CCSER1: variants seen among roughly 807,000 people sequenced by gnomAD.
CCSER1 encodes the protein serine-rich coiled-coil domain-containing protein 1.
A neutral mutation model predicts 82.0 loss-of-function variants in CCSER1; 41 were observed. The observed-to-expected ratio is 0.50, with a 90% confidence interval of 0.39 to 0.65. CCSER1 has a LOEUF of 0.65. Ranked by LOEUF, CCSER1 falls within the 30% of genes least tolerant of loss-of-function variation. The pLI is 0.00. For synonymous variants in CCSER1, 414 were observed against 383.9 expected (o/e 1.08, Z -0.92); for missense variants, 1,119 against 1,064.2 (o/e 1.05, Z -0.72).
intron 1 of CCSER1, among the ~76,000 whole-genome samples, chr4:90,207,318 C>G (rs1297309948): frequency 6.6e-6 from 1 of 152,094 alleles, no homozygotes; most frequent in African/African-American, 2.4e-5. Context: ...TCATGAAATT[C>G]TCATGCTGTG....
At chr4:91,039,101 T>C (rs887630430) in intron 9 of CCSER1, among the ~76,000 whole-genome samples, 3 of 152,172 alleles carry the variant, frequency 2.0e-5, no homozygotes, top group African/African-American at 7.2e-5. Flanking sequence ...CAATCATAGC[T>C]CACTGCAGCC....
intron 10 of CCSER1, among the ~76,000 whole-genome samples, chr4:91,194,132 G>A (rs1356803908): frequency 6.6e-6 from 1 of 152,062 alleles, no homozygotes; most frequent in Non-Finnish European, 1.5e-5. Flanking sequence ...ACCACACCGA[G>A]CTAATTTTTG....
intron 1 of CCSER1, among the ~76,000 whole-genome samples, chr4:90,261,596 A>G (rs1724344331): frequency 6.6e-6 from 1 of 152,180 alleles, no homozygotes; most frequent in African/African-American, 2.4e-5. Flanking sequence ...TCTTTTTGCA[A>G]TGAATTTCCC....
intron 10 of CCSER1, among the ~76,000 whole-genome samples, chr4:91,295,505 C>T (rs1321103274): frequency 1.3e-5 from 2 of 151,346 alleles, no homozygotes; most frequent in Non-Finnish European, 3.0e-5. Context: ...TCTGAAGAAA[C>T]GTTAATATTT....
chr4:90,210,326 A>G (rs528636934), intron 1 of CCSER1, among the ~76,000 whole-genome samples: 3 of 152,212 alleles, frequency 2.0e-5, no homozygotes, highest in African/African-American at 4.8e-5. Context: ...CTATACATAT[A>G]TATGTTTTGT....
intron 10 of CCSER1, among the ~76,000 whole-genome samples, chr4:91,222,784 G>A (rs1391438063): frequency 6.6e-6 from 1 of 152,022 alleles, no homozygotes; most frequent in East Asian, 1.9e-4. Flanking sequence ...AGTGACTATT[G>A]GGCACTGGAA....
intron 10 of CCSER1, among the ~76,000 whole-genome samples, chr4:91,341,343 A>G (rs1747705281): frequency 6.6e-6 from 1 of 152,168 alleles, no homozygotes; most frequent in South Asian, 2.1e-4. Context: ...AAGCAGTGTA[A>G]TAGGGTGATA....
chr4:90,322,025 G>A (rs796556391), intron 3 of CCSER1, among the ~76,000 whole-genome samples: 13 of 152,192 alleles, frequency 8.5e-5, no homozygotes, highest in African/African-American at 2.6e-4. Context: ...GGTTGCCTGT[G>A]TTTTTGAGGT....
At chr4:90,767,707 C>G (rs752932806) in intron 7 of CCSER1, among the ~76,000 whole-genome samples, 2 of 152,106 alleles carry the variant, frequency 1.3e-5, no homozygotes, top group African/African-American at 2.4e-5. Flanking sequence ...CTCGTTCTCG[C>G]TCTGTCACCC....
intron 10 of CCSER1, among the ~76,000 whole-genome samples, chr4:91,467,706 C>T (rs1322331860): frequency 2.6e-5 from 4 of 152,188 alleles, no homozygotes; most frequent in African/African-American, 4.8e-5. Context: ...TGAACAGACA[C>T]TTCTCAAAAG....
chr4:91,384,150 T>C (rs919560906), intron 10 of CCSER1, among the ~76,000 whole-genome samples: 2 of 152,108 alleles, frequency 1.3e-5, no homozygotes, highest in African/African-American at 4.8e-5. Context: ...TCTTCTTTTG[T>C]GGAGTAGGAT....
intron 7 of CCSER1, among the ~76,000 whole-genome samples, chr4:90,744,258 G>A (rs533153985): frequency 5.9e-5 from 9 of 152,146 alleles, no homozygotes; most frequent in African/African-American, 2.2e-4. Context: ...ATACGTATTC[G>A]GTTATGTGTT....
intron 10 of CCSER1, among the ~76,000 whole-genome samples, chr4:91,411,499 TATATATATATATATATATATATATATAA>T (rs1753029276): frequency 3.3e-5 from 2 of 61,290 alleles, no homozygotes; most frequent in African/African-American, 1.1e-4. Context: ...TACATATATA[TATATATATATATATATATATATATATAA>T]AATCTTGACT....
At chr4:90,851,080 A>G (rs542953530) in intron 8 of CCSER1, among the ~76,000 whole-genome samples, 6 of 152,100 alleles carry the variant, frequency 3.9e-5, no homozygotes, top group African/African-American at 1.4e-4. Flanking sequence ...TCTTTCTTCT[A>G]CTGCCCTGTG....
intron 10 of CCSER1, among the ~76,000 whole-genome samples, chr4:91,563,872 AAGTT>A (rs1762768105): frequency 6.6e-6 from 1 of 151,814 alleles, no homozygotes; most frequent in Non-Finnish European, 1.5e-5. Context: ...TAAGCATACA[AAGTT>A]AGTTCTGTTT....
At chr4:90,184,345 A>G (rs187647682) in intron 1 of CCSER1, among the ~76,000 whole-genome samples, 1 of 152,134 alleles carries the variant, frequency 6.6e-6, no homozygotes, top group Admixed American at 6.6e-5. Context: ...GATTTGCACC[A>G]AAGAGTAAGT....
intron 10 of CCSER1, among the ~76,000 whole-genome samples, chr4:91,126,134 G>A (rs902383973): frequency 4.6e-5 from 7 of 151,642 alleles, no homozygotes; most frequent in African/African-American, 1.7e-4. Context: ...TTTTAAGGCT[G>A]TCATTTTCTA....
At chr4:90,527,828 A>G (rs1773982632) in intron 5 of CCSER1, among the ~76,000 whole-genome samples, 1 of 152,106 alleles carries the variant, frequency 6.6e-6, no homozygotes, top group Non-Finnish European at 1.5e-5. Context: ...AATTGATGGT[A>G]TTGTTTAAGT....
intron 9 of CCSER1, among the ~76,000 whole-genome samples, chr4:90,982,309 C>T (rs1736186748): frequency 2.0e-5 from 3 of 151,610 alleles, no homozygotes; most frequent in Non-Finnish European, 4.4e-5. Context: ...ATCACGGAGG[C>T]TCCACCTTCA....
Sources: gnomAD v4.1 joint callset for allele counts (sites outside exome capture counted in the v4.1 genomes callset) on GRCh38, gnomAD v4.1.1 for gene constraint, MANE v1.5 for transcripts, NCBI Gene and HGNC (gene_info 2026-07-23, HGNC 2026-07-21) for gene names.